FUCA1: variants seen among roughly 807,000 people sequenced by gnomAD.
FUCA1 encodes tissue alpha-L-fucosidase.
A neutral mutation model predicts 56.8 loss-of-function variants in FUCA1; 52 were observed. The observed-to-expected ratio is 0.92, with a 90% CI of 0.73 to 1.15. The LOEUF is 1.15. Among genes scored for constraint, FUCA1 ranks in the 50% most tolerant of loss-of-function variants. The pLI is 0.00. For missense variants in FUCA1, 568 were observed against 592.6 expected (o/e 0.96, Z 0.43); for synonymous variants, 230 against 226.6 (o/e 1.02, Z -0.14).
chr1:23,866,822 G>T (rs1201453915), intron 1 of FUCA1, among the ~76,000 whole-genome samples: 1 of 152,214 alleles, frequency 6.6e-6, no homozygotes, highest in Non-Finnish European at 1.5e-5. Context: ...GGCATGGAAA[G>T]AGGTTATCTC....
intron 5 of FUCA1, among the ~76,000 whole-genome samples, chr1:23,853,522 G>T (rs1448002803): frequency 6.6e-6 from 1 of 152,056 alleles, no homozygotes; most frequent in Non-Finnish European, 1.5e-5. Flanking sequence ...ACTGGGAAGT[G>T]AGGAGCCCCT....
At chr1:23,850,328 AAAAAG>A (rs1639230162) in intron 5 of FUCA1, among the ~76,000 whole-genome samples, 2 of 151,760 alleles carry the variant, frequency 1.3e-5, no homozygotes. Flanking sequence ...AAAAAAAAAA[AAAAAG>A]AATTAAAGAA....
chr1:23,848,651 T>A lies in FUCA1; in HGVS notation c.1158A>T (p.Val386=), dbSNP rs1194134430. The change falls in exon 6 of 8, where the codon GTA becomes GTT. Residue 386 remains valine, a splice_region_variant and synonymous_variant. Transcript: ENST00000374479. ...RVQWEKNTTS[V]WYTSKGSAVY... Reference sequence around the variant, plus strand: ...ACACAACAGAAGACAAGACTCACCATACAGATGTTGTGTTCTTTTCCCATT... The same window carrying A: ...ACACAACAGAAGACAAGACTCACCAAACAGATGTTGTGTTCTTTTCCCATT... The A allele has an allele frequency of 1.9e-6, 3 of 1,613,952 alleles. No homozygotes were observed. In the African/African-American group the frequency reaches 4.0e-5, roughly 22 times the overall value.
At position 23,867,759 on chromosome 1, in the gene FUCA1, T is replaced by G; in HGVS notation, c.389+139A>C. 1 of 1,425,202 alleles carries G rather than the reference T, an allele frequency of 7.0e-7. No individual in the cohort carries two copies. Among genetic ancestry groups the G allele is most frequent in the Non-Finnish European group, 9.1e-7 (1 of 1,098,614 alleles). The allele number at this position is 1,425,202 out of a possible 1,614,324, so 88.3% of individuals were successfully genotyped here. On this transcript the variant is annotated intron_variant, in intron 1 of 7. Coordinates refer to ENST00000374479, the MANE Select transcript of FUCA1 (RefSeq NM_000147.5). This position sits in a 1 kb window ranked among gnomAD's most constrained non-coding sequence, Gnocchi z 4.9. ...TCATCAGGTGTGCCAGGCTCACTCC[T>G]GTGGCCGCAGGAGGCCACACGCGGG...
At chr1:23,854,218 C>G in intron 5 of FUCA1, 142 bp downstream of exon 5, 1 of 733,290 alleles carries the variant, frequency 1.4e-6, no homozygotes, top group East Asian at 2.7e-5. Flanking sequence ...AATGATCTCG[C>G]TTTTCTTCAT....
intron 3 of FUCA1, 126 bp downstream of exon 3, chr1:23,863,008 T>G (rs546889270): frequency 1.6e-5 from 17 of 1,039,126 alleles, no homozygotes; most frequent in Non-Finnish European, 2.2e-5. Flanking sequence ...CAACCACCAC[T>G]TTTTATTATT....
At position 23,848,666 on chromosome 1, in the gene FUCA1, C is replaced by G; in HGVS notation, c.1143G>C (p.Lys381Asn). ...AGACTCACCATACAGATGTTGTGTT[C>G]TTTTCCCATTGCACCCGCCATGGTT... ...ASKPWRVQWE[K>N]NTTSVWYTSK... Residue 381 changes from lysine (K) to asparagine (N), a missense_variant, in exon 6 of 8, where the codon AAG (lysine) becomes AAC (asparagine). Coordinates refer to ENST00000374479, the MANE Select transcript of FUCA1 (RefSeq NM_000147.5). The G allele has an allele frequency of 1.2e-6, 2 of 1,614,178 alleles. No individual in the cohort carries two copies. Among genetic ancestry groups the G allele is most frequent in the South Asian group, 2.2e-5 (2 of 91,082 alleles).
rs770819788 is a variant in FUCA1, at chr1:23,848,757, A to C, written c.1052T>G (p.Phe351Cys). The C allele has an allele frequency of 1.2e-6, 2 of 1,614,128 alleles. No individual in the cohort carries two copies. Among genetic ancestry groups the C allele is most frequent in the African/African-American group, 2.7e-5 (2 of 75,034 alleles). ...CCCAACAGCAAGAAGCCTTTCTTGG[A>C]AGATGGGAACAATCAGTCCATCTTT... ...PTKDGLIVPIFQERLLAVGKW... is the reference protein window; with the variant it reads ...PTKDGLIVPICQERLLAVGKW... The change falls in exon 6 of 8, where the codon TTC becomes TGC. Residue 351 changes from phenylalanine (F) to cysteine (C), a missense_variant. Coordinates refer to ENST00000374479, the MANE Select transcript of FUCA1 (RefSeq NM_000147.5).
At chr1:23,853,075 G>A (rs550452614) in intron 5 of FUCA1, among the ~76,000 whole-genome samples, 3 of 142,780 alleles carry the variant, frequency 2.1e-5, no homozygotes, top group African/African-American at 8.3e-5. Context: ...AGTGAGGAGC[G>A]TCTCTGCCCG....
chr1:23,853,031 G>T (rs1472561047), intron 5 of FUCA1, among the ~76,000 whole-genome samples: 2 of 146,558 alleles, frequency 1.4e-5, no homozygotes, highest in African/African-American at 5.1e-5. Context: ...AGGAAGTGAG[G>T]AGCACCTCTT....
intron 1 of FUCA1, 137 bp from the exon 2 acceptor site, chr1:23,865,762 T>C: frequency 2.0e-6 from 2 of 980,780 alleles, no homozygotes; most frequent in Non-Finnish European, 3.2e-6. Context: ...ACTATATTAG[T>C]GATATCCAGG....
chr1:23,851,823 AC>A (rs1639264854), intron 5 of FUCA1, among the ~76,000 whole-genome samples: 1 of 152,116 alleles, frequency 6.6e-6, no homozygotes, highest in East Asian at 1.9e-4. Context: ...CACATGGGAC[AC>A]AGGAAGAGGA....
intron 2 of FUCA1, among the ~76,000 whole-genome samples, chr1:23,865,154 G>C (rs1490130568): frequency 6.6e-6 from 1 of 152,128 alleles, no homozygotes; most frequent in Non-Finnish European, 1.5e-5. Context: ...GATTTATACA[G>C]ACACTCAGCC....
In FUCA1 at chr1:23,848,676, T is replaced by G. The variant is rs773823561; in HGVS notation, c.1133A>C (p.Gln378Pro). The G allele has an allele frequency of 1.2e-6, 2 of 1,614,046 alleles. No individual in the cohort carries two copies. Among genetic ancestry groups the G allele is most frequent in the Non-Finnish European group, 8.5e-7 (1 of 1,180,040 alleles). The part of the protein sequence containing the change: ...AIYASKPWRV[Q>P]WEKNTTSVWY... Reference sequence around the variant, plus strand: ...TACAGATGTTGTGTTCTTTTCCCATTGCACCCGCCATGGTTTGGAGGCATA... The same window carrying G: ...TACAGATGTTGTGTTCTTTTCCCATGGCACCCGCCATGGTTTGGAGGCATA... Residue 378 changes from glutamine (Q) to proline (P), a missense_variant, in exon 6 of 8, where the codon CAA (glutamine) becomes CCA (proline). By Grantham distance (76) the Gln-to-Pro change is moderately conservative. Coordinates refer to ENST00000374479, the MANE Select transcript of FUCA1 (RefSeq NM_000147.5).
Position 23,868,073 on chromosome 1 carries a change from A to C in FUCA1, c.214T>G (p.Trp72Gly). The C allele has an allele frequency of 6.2e-7, 1 of 1,611,624 alleles. No homozygotes were observed. The highest frequency in any genetic ancestry group is 8.5e-7 in the Non-Finnish European group (1 of 1,179,488). ...TGCCACCAGAACCACTCGCTGCCCC[A>C]GGCGGGCACCGAGAACACGCCCCAG... ...IHWGVFSVPA[W>G]GSEWFWWHWQ... The change falls in exon 1 of 8, where the codon TGG becomes GGG. Residue 72 changes from tryptophan to glycine, a missense_variant. Coordinates refer to ENST00000374479, the MANE Select transcript of FUCA1 (RefSeq NM_000147.5).
In FUCA1 at chr1:23,868,255, G is replaced by A. The variant is rs780907796; in HGVS notation, c.32C>T (p.Ala11Val). The part of the protein sequence containing the change: MRAPGMRSRP[A>V]GPALLLLLLF... ...CAGCAGCAGCAACAGCGCGGGACCC[G>A]CCGGCCGCGACCTCATCCCCGGAGC... The change falls in exon 1 of 8, where the codon GCG (alanine) becomes GTG (valine). Residue 11 changes from alanine to valine, a missense_variant. Transcript: ENST00000374479. The A allele has an allele frequency of 2.6e-6, 4 of 1,557,240 alleles. No individual in the cohort carries two copies. The highest frequency in any genetic ancestry group is 2.4e-5 in the East Asian group (1 of 41,596).
rs1639117112 is a variant in FUCA1, at chr1:23,845,408, GTTATCAGA to G, written c.*299_*306del. ...TTAAAGGCATTGAGTAAGCAAGTAGGTTATCAGAGAACAGAGGGAAGATTCCATTGTAG... is the reference window on the plus strand; with the variant it reads ...TTAAAGGCATTGAGTAAGCAAGTAGGGAACAGAGGGAAGATTCCATTGTAG... On this transcript the variant is annotated 3_prime_UTR_variant, in exon 8 of 8. Coordinates refer to ENST00000374479, the MANE Select transcript of FUCA1 (RefSeq NM_000147.5). The G allele has an allele frequency of 2.9e-5, 12 of 411,548 alleles. No individual in the cohort carries two copies. The highest frequency in any genetic ancestry group is 2.6e-4 in the South Asian group (12 of 46,792). 25.5% of individuals were successfully genotyped at this position (411,548 alleles called of 1,614,324 possible).
intron 5 of FUCA1, among the ~76,000 whole-genome samples, chr1:23,849,652 G>A (rs576900722): frequency 2.2e-5 from 3 of 134,768 alleles, no homozygotes; most frequent in South Asian, 4.7e-4. Context: ...GCACAATCTC[G>A]GCTCACTGCA....
At chr1:23,847,041 C>A (rs984284260) in intron 6 of FUCA1, among the ~76,000 whole-genome samples, 19 of 152,144 alleles carry the variant, frequency 1.2e-4, no homozygotes, top group African/African-American at 3.4e-4. Flanking sequence ...TTTCAATTAT[C>A]TACCAAATCC....
Sources: allele counts gnomAD v4.1 joint callset (sites outside exome capture counted in the v4.1 genomes callset), GRCh38; gene constraint gnomAD v4.1.1; non-coding constraint Gnocchi (gnomAD v3.1); transcripts MANE v1.5; gene names NCBI Gene and HGNC (gene_info 2026-07-23, HGNC 2026-07-21).